Variants in GLRA2 observed in about 807,000 individuals in gnomAD.
GLRA2 encodes the protein glycine receptor subunit alpha-2.
GLRA2 carries 11 observed loss-of-function variants against 31.6 expected under a neutral mutation model. The observed-to-expected ratio is 0.35, with a 90% CI of 0.22 to 0.58. The LOEUF (loss-of-function observed/expected upper bound fraction) is 0.58, where lower values mean the gene tolerates loss of function less well. GLRA2 is among the 20% of genes least tolerant of loss of function. The pLI is 0.84. For synonymous variants in GLRA2, 132 were observed against 134.0 expected, an observed-to-expected ratio of 0.99 and a Z score of 0.10; for missense variants, 212 against 351.8, an observed-to-expected ratio of 0.60 and a Z score of 3.18.
chrX:14,527,285 C>A (rs1457049284), upstream of GLRA2, among the ~76,000 whole-genome samples: 1 of 111,700 alleles, frequency 9.0e-6, no homozygotes, highest in African/African-American at 3.3e-5. Flanking sequence ...GATTTCCTTA[C>A]TCATCCTATT....
At chrX:14,504,594 C>T in the GLRA2 span, among the ~76,000 whole-genome samples, 2 of 111,480 alleles carry the variant, frequency 1.8e-5, no homozygotes, top group Non-Finnish European at 3.8e-5. Context: ...GCAGAGTTCT[C>T]ATCAAATGAG....
chrX:14,501,423 C>T, the GLRA2 span, among the ~76,000 whole-genome samples: 4 of 111,519 alleles, frequency 3.6e-5, no homozygotes, highest in Non-Finnish European at 5.7e-5. Context: ...CCTGGTCCTC[C>T]TCCTTGACTG....
chrX:14,533,202 A>G (rs894761853), intron 2 of GLRA2, among the ~76,000 whole-genome samples: 9 of 110,334 alleles, frequency 8.2e-5, no homozygotes, highest in Non-Finnish European at 1.3e-4. Context: ...ATTTAACATA[A>G]TGCATTGTGA....
chrX:14,698,875 G>A lies in GLRA2; in HGVS notation c.1080+8016G>A, dbSNP rs143384189. Among the ~76,000 whole-genome samples, 177 of 110,452 alleles carry A rather than the reference G, an allele frequency of 1.6e-3. 1 individual carries two copies. Among genetic ancestry groups the A allele is most frequent in the African/African-American group, 5.7e-3 (172 of 30,334 alleles). On this transcript the variant is annotated intron_variant, in intron 8 of 8. Transcript: ENST00000218075. ...GCTTTATTCAGGGAAGGTATTTATT[G>A]AGAGAACACCTGAGATTACATTTAC...
chrX:14,662,991 T>A (rs1285887023), intron 7 of GLRA2, among the ~76,000 whole-genome samples: 2 of 111,981 alleles, frequency 1.8e-5, no homozygotes, highest in African/African-American at 6.5e-5. Context: ...ACTCTCTAAA[T>A]ATTTATACTA....
chrX:14,690,569 G>A (rs963360036), intron 7 of GLRA2, 141 bp from the exon 8 acceptor site: 4 of 445,550 alleles, frequency 9.0e-6, no homozygotes, highest in South Asian at 7.8e-5. Flanking sequence ...TTAAGAAAAC[G>A]CTGGAAAATC....
chrX:14,633,430 G>A (rs1424361479), intron 7 of GLRA2, among the ~76,000 whole-genome samples: 1 of 111,804 alleles, frequency 8.9e-6, no homozygotes, highest in East Asian at 2.8e-4. Context: ...AGTTGTTCAA[G>A]GTTATAGTAA....
chrX:14,671,358 G>C (rs942834305), intron 7 of GLRA2, among the ~76,000 whole-genome samples: 4 of 112,026 alleles, frequency 3.6e-5, no homozygotes, highest in African/African-American at 1.3e-4. Context: ...CAAGCATTTG[G>C]ATGCAGTTTA....
intron 7 of GLRA2, among the ~76,000 whole-genome samples, chrX:14,656,114 C>T (rs1485325681): frequency 2.7e-5 from 3 of 111,437 alleles, no homozygotes; most frequent in Non-Finnish European, 3.8e-5. Flanking sequence ...ATTTGAAATA[C>T]GCTGGGCTAC....
At chrX:14,477,065 T>C in the GLRA2 span, among the ~76,000 whole-genome samples, 5 of 111,486 alleles carry the variant, frequency 4.5e-5, no homozygotes, top group African/African-American at 1.6e-4. Flanking sequence ...TAGGCAATCA[T>C]CCTCTCTTGG....
intron 2 of GLRA2, among the ~76,000 whole-genome samples, chrX:14,560,791 C>T (rs1815202403): frequency 1.3e-5 from 1 of 75,221 alleles, no homozygotes; most frequent in Admixed American, 1.6e-4. Flanking sequence ...GAGAGAGACC[C>T]TGTCTCAAAA....
the GLRA2 span, among the ~76,000 whole-genome samples, chrX:14,483,135 T>C: frequency 1.9e-4 from 21 of 112,101 alleles, no homozygotes; most frequent in African/African-American, 6.5e-4. Flanking sequence ...AAAGGTCTTT[T>C]TACCATTATC....
At chrX:14,605,546 A>C (rs1015343448) in intron 5 of GLRA2, among the ~76,000 whole-genome samples, 1 of 111,353 alleles carries the variant, frequency 9.0e-6, no homozygotes, top group African/African-American at 3.3e-5. Context: ...ACTGCTCCAA[A>C]ATCTCCCCTG....
Position 14,690,823 on chromosome X carries a change from C to T in GLRA2, c.1044C>T (p.Phe348=). 8.3e-7 allele frequency: 1 copy of T among 1,207,306 alleles called. No homozygotes were observed. The highest frequency in any genetic ancestry group is 1.1e-6 in the Non-Finnish European group (1 of 891,820). The change falls in exon 8 of 9, where the codon TTC becomes TTT. Residue 348 remains phenylalanine (F), a synonymous_variant. Transcript: ENST00000218075. The part of the protein sequence containing the change: ...VNFVSRQHKE[F]LRLRRRQKRQ... ...TCGTCTCCAGGCAACACAAGGAGTT[C>T]CTGCGCCTCCGAAGAAGACAGAAGA...
In GLRA2 at chrX:14,731,301, CTTTAT is replaced by C. The variant is rs949553971; in HGVS notation, c.*822_*826del. On this transcript the variant is annotated 3_prime_UTR_variant, in exon 9 of 9. Coordinates refer to ENST00000218075, the MANE Select transcript of GLRA2 (RefSeq NM_002063.4). ...AGTGTACCCTCTTAATAAATGCCCA[CTTTAT>C]TTTATATCCAAGTTAGTGCATTATA... 3 of 112,099 alleles carry C rather than the reference CTTTAT, an allele frequency of 2.7e-5. No individual in the cohort carries two copies. Among genetic ancestry groups the C allele is most frequent in the Non-Finnish European group, 3.8e-5 (2 of 53,225 alleles). 9.2% of individuals were successfully genotyped at this position (112,099 alleles called of 1,213,427 possible). A position where few individuals can be genotyped will look rare whatever the true frequency, so the allele number is the denominator to read the frequency against.
intron 7 of GLRA2, among the ~76,000 whole-genome samples, chrX:14,666,473 C>T (rs2091039513): frequency 8.9e-6 from 1 of 111,759 alleles, no homozygotes; most frequent in Non-Finnish European, 1.9e-5. Flanking sequence ...GCAGTTTTCC[C>T]ATATCTCTTA....
intron 8 of GLRA2, among the ~76,000 whole-genome samples, chrX:14,724,210 T>C (rs1287839290): frequency 1.8e-5 from 2 of 112,174 alleles, no homozygotes; most frequent in Non-Finnish European, 3.8e-5. Context: ...TGTTTACTTG[T>C]TACTGTTTCC....
chrX:14,730,430 T>A lies in GLRA2; in HGVS notation c.1304T>A (p.Ile435Asn), dbSNP rs1419377151. 1.7e-6 allele frequency: 2 copies of A among 1,206,280 alleles called. No individual in the cohort carries two copies. The highest frequency in any genetic ancestry group is 2.2e-6 in the Non-Finnish European group (2 of 890,783). Residue 435 changes from isoleucine to asparagine, a missense_variant, in exon 9 of 9, where the codon ATC becomes AAC. By Grantham distance (149) the Ile-to-Asn change is moderately radical. Coordinates refer to ENST00000218075, the MANE Select transcript of GLRA2 (RefSeq NM_002063.4). ...AFPLAFLIFN[I>N]FYWITYKIIR... ...CCATTGGCCTTCCTCATTTTCAACA[T>A]CTTTTACTGGATCACATACAAGATC...
At chrX:14,593,229 C>T (rs55711770) in intron 4 of GLRA2, among the ~76,000 whole-genome samples, 1 of 109,799 alleles carries the variant, frequency 9.1e-6, no homozygotes, top group Non-Finnish European at 1.9e-5. Context: ...TGTCCATCTG[C>T]GTATCTCAGC....
Sources: gnomAD v4.1 joint callset for allele counts (sites outside exome capture counted in the v4.1 genomes callset) on GRCh38, gnomAD v4.1.1 for gene constraint, MANE v1.5 for transcripts, NCBI Gene and HGNC (gene_info 2026-07-23, HGNC 2026-07-21) for gene names.